RBBP4: variants seen among roughly 807,000 people sequenced by gnomAD.
RBBP4 encodes the protein RB binding protein 4, chromatin remodeling factor.
Under a neutral mutation model 57.2 loss-of-function variants are expected in RBBP4, and 3 were observed. The ratio of observed to expected loss-of-function variants is 0.05; its 90% CI spans 0.02 to 0.14. The LOEUF (loss-of-function observed/expected upper bound fraction) is 0.14. Ranked by LOEUF, RBBP4 falls within the 10% of genes least tolerant of loss-of-function variation. RBBP4 has a pLI of 1.00. For synonymous variants in RBBP4, 151 were observed against 171.5 expected, an observed-to-expected ratio of 0.88 and a Z score of 0.93; for missense variants, 107 against 520.6, an observed-to-expected ratio of 0.21 and a Z score of 7.73.
intron 1 of RBBP4, chr1:32,651,676 C>A: frequency 1.3e-6 from 1 of 748,052 alleles, no homozygotes; most frequent in Non-Finnish European, 2.1e-6. Flanking sequence ...CGCGCACGAG[C>A]GTGCTCCGAA....
At chr1:32,675,199 T>A (rs979099314) in intron 11 of RBBP4, among the ~76,000 whole-genome samples, 1 of 151,634 alleles carries the variant, frequency 6.6e-6, no homozygotes, top group Non-Finnish European at 1.5e-5. Flanking sequence ...CCTGGCTAAA[T>A]TTTTGTAATT....
intron 1 of RBBP4, 30 bp from the exon 2 acceptor site, chr1:32,651,884 C>T: frequency 6.2e-7 from 1 of 1,608,926 alleles, no homozygotes; most frequent in South Asian, 1.1e-5. Flanking sequence ...CGTTTGTTTG[C>T]TAACTTAAAT....
intron 3 of RBBP4, among the ~76,000 whole-genome samples, chr1:32,662,597 A>C (rs1210549078): frequency 6.7e-6 from 1 of 150,356 alleles, no homozygotes; most frequent in African/African-American, 2.4e-5. Context: ...GTTGGTCTCG[A>C]ACTCCTGACC....
intron 3 of RBBP4, among the ~76,000 whole-genome samples, chr1:32,660,427 T>TTTTTATTTA (rs67158502): frequency 1.3e-5 from 2 of 150,774 alleles, no homozygotes; most frequent in East Asian, 2.0e-4. Flanking sequence ...TATTTATTTA[T>TTTTTATTTA]TTTTTTTGAG....
chr1:32,670,288 C>T (rs1054160570), intron 8 of RBBP4, among the ~76,000 whole-genome samples: 1 of 152,146 alleles, frequency 6.6e-6, no homozygotes, highest in Non-Finnish European at 1.5e-5. Context: ...TATTCTTCAT[C>T]CTTCATTACT....
rs1485102459 is a variant in RBBP4 at position 32,681,839 on chromosome 1, G to A, written c.*2134G>A. 2 of 1,614,118 alleles carry A rather than the reference G, an allele frequency of 1.2e-6. No individual in the cohort carries two copies. Among genetic ancestry groups the A allele is most frequent in the South Asian group, 1.1e-5 (1 of 91,074 alleles). ...TTGCTGTTTCCGGGTTACAGATTTG[G>A]CCATATATTTCTAAACAGCCCCTGT... is the stretch of plus-strand genomic sequence containing the variant. On this transcript the variant is annotated 3_prime_UTR_variant, in exon 12 of 12. Coordinates refer to ENST00000373493, the MANE Select transcript of RBBP4 (RefSeq NM_005610.3).
intron 2 of RBBP4, among the ~76,000 whole-genome samples, chr1:32,652,908 G>C (rs987213544): frequency 6.6e-6 from 1 of 152,184 alleles, no homozygotes; most frequent in African/African-American, 2.4e-5. Flanking sequence ...GGAGCACATT[G>C]TCTAGTTGAA....
At chr1:32,653,870 G>A (rs1315347338) in intron 2 of RBBP4, among the ~76,000 whole-genome samples, 2 of 151,808 alleles carry the variant, frequency 1.3e-5, no homozygotes, top group Non-Finnish European at 2.9e-5. Flanking sequence ...GTGTTAGCCA[G>A]GATGGTCTCA....
chr1:32,685,725 A>T lies in RBBP4; in HGVS notation c.*6020A>T, dbSNP rs1030737604. 2 of 152,156 alleles carry T rather than the reference A, an allele frequency of 1.3e-5. No individual in the cohort carries two copies. Among genetic ancestry groups the T allele is most frequent in the African/African-American group, 4.8e-5 (2 of 41,432 alleles). The allele number at this position is 152,156 out of a possible 1,614,324, so 9.4% of individuals were successfully genotyped here. A position where few individuals can be genotyped will look rare whatever the true frequency, so the allele number is the denominator to read the frequency against. On this transcript the variant is annotated 3_prime_UTR_variant, in exon 12 of 12. Transcript: ENST00000373493. ...TTGCTCAGTCCTCACTACCTACCAG[A>T]CCCGTTGGTAAGGTACAAAAGTACA...
Position 32,682,390 on chromosome 1 carries a change from C to T in RBBP4, c.*2685C>T, listed in dbSNP as rs1649498179. ...AGCCAAGATCGTGCCACTACTCCAG[C>T]CTGGGCAAAATAGCAAGACCCGACC... On this transcript the variant is annotated 3_prime_UTR_variant, in exon 12 of 12. Coordinates refer to ENST00000373493, the MANE Select transcript of RBBP4 (RefSeq NM_005610.3). 1 of 151,636 alleles carries T rather than the reference C, an allele frequency of 6.6e-6. No homozygotes were observed. Among genetic ancestry groups the T allele is most frequent in the Non-Finnish European group, 1.5e-5 (1 of 68,026 alleles). 9.4% of individuals were successfully genotyped at this position (151,636 alleles called of 1,614,324 possible).
rs1443449660 is a variant in RBBP4, at chr1:32,669,926, G to A, written c.966+363G>A. 6.6e-6 allele frequency among the ~76,000 whole-genome samples: 1 copy of A among 152,164 alleles called. No individual in the cohort carries two copies. The highest frequency in any genetic ancestry group is 1.5e-5 in the Non-Finnish European group (1 of 68,038). ...AAAAAAGAAAAACCTGGATGTATGA[G>A]TGGGCACACATGTGCTTTATGCCGT... is the stretch of plus-strand genomic sequence containing the variant. On this transcript the variant is annotated intron_variant, in intron 8 of 11. Coordinates refer to ENST00000373493, the MANE Select transcript of RBBP4 (RefSeq NM_005610.3). The surrounding 1 kb of genome is among the most constrained non-coding windows in gnomAD (Gnocchi z 4.9).
Position 32,684,288 on chromosome 1 carries a change from A to G in RBBP4, c.*4583A>G, listed in dbSNP as rs777005023. The G allele has an allele frequency of 5.0e-6, 8 of 1,614,190 alleles. No homozygotes were observed. In the South Asian group the frequency reaches 8.8e-5, roughly 18 times the overall value. Reference sequence around the variant, plus strand: ...AGTAGAGAGCTCTTCAGCAAGACTGAGCCTTAGCTGTTCCATCTCTTTGTT... The same window carrying G: ...AGTAGAGAGCTCTTCAGCAAGACTGGGCCTTAGCTGTTCCATCTCTTTGTT... On this transcript the variant is annotated 3_prime_UTR_variant, in exon 12 of 12. Transcript: ENST00000373493.
At chr1:32,660,173 C>A (rs1013259263) in intron 3 of RBBP4, among the ~76,000 whole-genome samples, 1 of 152,110 alleles carries the variant, frequency 6.6e-6, no homozygotes, top group African/African-American at 2.4e-5. Context: ...GTAAATTATA[C>A]CTTCTCCACC....
intron 4 of RBBP4, 140 bp from the exon 5 acceptor site, chr1:32,668,599 A>T (rs796937890): frequency 1.2e-6 from 1 of 849,340 alleles, no homozygotes; most frequent in Non-Finnish European, 1.8e-6. Flanking sequence ...CTGTTTAAGC[A>T]TTATCTATTT....
In RBBP4 at chr1:32,683,970, G is replaced by C. The variant is rs1557867772; in HGVS notation, c.*4265G>C. On this transcript the variant is annotated 3_prime_UTR_variant, in exon 12 of 12. Coordinates refer to ENST00000373493, the MANE Select transcript of RBBP4 (RefSeq NM_005610.3). ...ATTAATTAGTATTGTTAGGAAAGCA[G>C]TAACAATGCAAACACCACTCTTCTC... 2 of 1,578,056 alleles carry C rather than the reference G, an allele frequency of 1.3e-6. No homozygotes were observed. Among genetic ancestry groups the C allele is most frequent in the Admixed American group, 3.3e-5 (2 of 59,726 alleles).
At chr1:32,673,135 T>G (rs1038108917) in intron 11 of RBBP4, among the ~76,000 whole-genome samples, 7 of 152,112 alleles carry the variant, frequency 4.6e-5, no homozygotes, top group Non-Finnish European at 8.8e-5. Flanking sequence ...CCACTTCTCC[T>G]TTTCCCTCTC....
chr1:32,674,603 T>C (rs1649016711), intron 11 of RBBP4, among the ~76,000 whole-genome samples: 1 of 151,802 alleles, frequency 6.6e-6, no homozygotes, highest in Admixed American at 6.6e-5. Flanking sequence ...AGAAGAAACT[T>C]GGTGTCTCTC....
At chr1:32,671,427 A>G (rs1648869563) in intron 8 of RBBP4, among the ~76,000 whole-genome samples, 3 of 152,200 alleles carry the variant, frequency 2.0e-5, no homozygotes, top group African/African-American at 7.2e-5. Context: ...TAATAAAAAT[A>G]CAAAAATTAG....
chr1:32,658,552 T>TC (rs1346938894), intron 3 of RBBP4, among the ~76,000 whole-genome samples: 3 of 149,162 alleles, frequency 2.0e-5, no homozygotes, highest in African/African-American at 7.4e-5. Context: ...ACGCTTTCCT[T>TC]TTTTTTTTTT....
Sources: gnomAD v4.1 joint callset for allele counts (sites outside exome capture counted in the v4.1 genomes callset) on GRCh38, gnomAD v4.1.1 for gene constraint, Gnocchi (gnomAD v3.1) non-coding constraint, MANE v1.5 for transcripts, NCBI Gene and HGNC (gene_info 2026-07-23, HGNC 2026-07-21) for gene names.